Variants in ZBTB20 observed in about 807,000 individuals in gnomAD.
The protein encoded by ZBTB20 is zinc finger and BTB domain containing 20, also known as zinc finger and BTB domain-containing protein 20.
Under a neutral mutation model 56.9 loss-of-function variants are expected in ZBTB20, and 9 were observed. The ratio of observed to expected loss-of-function variants is 0.16; its 90% confidence interval spans 0.10 to 0.28. ZBTB20 has a LOEUF of 0.28. Ranked by LOEUF, ZBTB20 falls within the 10% of genes least tolerant of loss-of-function variation. ZBTB20 has a pLI of 1.00. For missense variants in ZBTB20, 655 were observed against 1,003.0 expected (o/e 0.65, Z 4.69); for synonymous variants, 417 against 420.7 (o/e 0.99, Z 0.11).
intron 6 of ZBTB20, among the ~76,000 whole-genome samples, chr3:114,509,464 C>A (rs1350506855): frequency 1.3e-5 from 2 of 148,894 alleles, no homozygotes; most frequent in African/African-American, 2.5e-5. Context: ...CAAATTCCGT[C>A]CTAGATGCTT....
chr3:114,622,742 A>G (rs2107775047), intron 6 of ZBTB20, among the ~76,000 whole-genome samples: 1 of 152,376 alleles, frequency 6.6e-6, no homozygotes, highest in African/African-American at 2.4e-5. Context: ...CAACAGGCAC[A>G]TACAATATAC....
intron 4 of ZBTB20, among the ~76,000 whole-genome samples, chr3:114,848,171 T>G (rs1344914794): frequency 2.0e-5 from 3 of 152,040 alleles, no homozygotes; most frequent in Non-Finnish European, 2.9e-5. Context: ...CCTGAGAGAA[T>G]AATAAACTAA....
intron 6 of ZBTB20, among the ~76,000 whole-genome samples, chr3:114,637,259 T>C (rs1383098463): frequency 6.6e-6 from 1 of 152,078 alleles, no homozygotes; most frequent in East Asian, 1.9e-4. Context: ...ACTTTTTATT[T>C]TTCCAAAGCT....
At chr3:114,664,624 C>G (rs2060942929) in intron 6 of ZBTB20, among the ~76,000 whole-genome samples, 1 of 151,858 alleles carries the variant, frequency 6.6e-6, no homozygotes, top group Admixed American at 6.6e-5. Flanking sequence ...CACACACACA[C>G]ACACGTACTA....
chr3:114,608,023 A>C (rs1375508627), intron 6 of ZBTB20, among the ~76,000 whole-genome samples: 1 of 152,226 alleles, frequency 6.6e-6, no homozygotes, highest in African/African-American at 2.4e-5. Context: ...TCTGTGTTCT[A>C]GCCAAAACTA....
chr3:115,001,183 T>C (rs1180163446), intron 2 of ZBTB20, among the ~76,000 whole-genome samples: 1 of 151,330 alleles, frequency 6.6e-6, no homozygotes, highest in African/African-American at 2.4e-5. Flanking sequence ...AATTTTATTA[T>C]ACTCTTCAGT....
chr3:114,506,240 C>T (rs573035921), intron 6 of ZBTB20, among the ~76,000 whole-genome samples: 1 of 152,108 alleles, frequency 6.6e-6, no homozygotes, highest in East Asian at 1.9e-4. Flanking sequence ...TGATAACAAT[C>T]CTAAAAAATG....
chr3:114,525,306 T>A (rs372219192), intron 6 of ZBTB20, among the ~76,000 whole-genome samples: 173 of 152,288 alleles, frequency 1.1e-3, no homozygotes, highest in African/African-American at 3.8e-3. Context: ...TGCTGATGAA[T>A]CCTTATATTC....
At chr3:114,845,189 A>G (rs1227039705) in intron 4 of ZBTB20, among the ~76,000 whole-genome samples, 1 of 151,858 alleles carries the variant, frequency 6.6e-6, no homozygotes, top group East Asian at 1.9e-4. Context: ...CCAAGTGGCT[A>G]GTAAAGTACT....
At chr3:114,661,051 A>G (rs1560097260) in intron 6 of ZBTB20, among the ~76,000 whole-genome samples, 1 of 152,096 alleles carries the variant, frequency 6.6e-6, no homozygotes, top group Non-Finnish European at 1.5e-5. Context: ...CTTCCCAAGA[A>G]ATCCAGACTG....
intron 4 of ZBTB20, among the ~76,000 whole-genome samples, chr3:114,812,049 T>C (rs2072561117): frequency 1.3e-5 from 2 of 152,128 alleles, no homozygotes; most frequent in Non-Finnish European, 2.9e-5. Flanking sequence ...TGCAGACCTT[T>C]GCGGTGAGTG....
At chr3:114,499,793 C>T (rs2043736110) in intron 7 of ZBTB20, among the ~76,000 whole-genome samples, 1 of 151,902 alleles carries the variant, frequency 6.6e-6, no homozygotes, top group Admixed American at 6.6e-5. Flanking sequence ...CTTTATAAAC[C>T]TTCTGGCACA....
chr3:114,646,616 A>G (rs1453177642), intron 6 of ZBTB20, among the ~76,000 whole-genome samples: 4 of 152,370 alleles, frequency 2.6e-5, no homozygotes, highest in Non-Finnish European at 5.9e-5. Context: ...CTGTAAATGT[A>G]AAGAAAACAA....
At chr3:114,893,270 A>G (rs564059241) in intron 4 of ZBTB20, among the ~76,000 whole-genome samples, 1 of 152,264 alleles carries the variant, frequency 6.6e-6, no homozygotes, top group South Asian at 2.1e-4. Flanking sequence ...GTGCAGTTTT[A>G]AAATCCTTAT....
At chr3:114,529,785 G>A (rs2047633761) in intron 6 of ZBTB20, among the ~76,000 whole-genome samples, 1 of 152,190 alleles carries the variant, frequency 6.6e-6, no homozygotes, top group Admixed American at 6.6e-5. Flanking sequence ...TATATTTTGT[G>A]TACTGCATCC....
At chr3:114,695,265 G>A (rs2062934907) in intron 5 of ZBTB20, among the ~76,000 whole-genome samples, 1 of 151,824 alleles carries the variant, frequency 6.6e-6, no homozygotes, top group African/African-American at 2.4e-5. Flanking sequence ...GCATGTCCAA[G>A]TAACAGAAAG....
intron 6 of ZBTB20, among the ~76,000 whole-genome samples, chr3:114,620,240 G>A (rs1318090020): frequency 6.6e-6 from 1 of 152,126 alleles, no homozygotes; most frequent in African/African-American, 2.4e-5. Flanking sequence ...AGGAGGCTCA[G>A]ATATAGAAGA....
chr3:115,137,947 T>C (rs1335289377), intron 1 of ZBTB20, among the ~76,000 whole-genome samples: 8 of 152,128 alleles, frequency 5.3e-5, no homozygotes, highest in East Asian at 1.9e-4. Flanking sequence ...CTGATGATCA[T>C]GTTTTTGTGC....
At chr3:115,058,317 T>C (rs2081888225) in intron 2 of ZBTB20, among the ~76,000 whole-genome samples, 1 of 152,242 alleles carries the variant, frequency 6.6e-6, no homozygotes, top group Non-Finnish European at 1.5e-5. Flanking sequence ...TTTCTTGTTA[T>C]CAATTGTTTT....
Sources: gnomAD v4.1 joint callset for allele counts (sites outside exome capture counted in the v4.1 genomes callset) on GRCh38, gnomAD v4.1.1 for gene constraint, MANE v1.5 for transcripts, NCBI Gene and HGNC (gene_info 2026-07-23, HGNC 2026-07-21) for gene names.